CADPS: variants seen among roughly 807,000 people sequenced by gnomAD.
CADPS encodes the protein calcium dependent secretion activator.
A neutral mutation model predicts 167.3 loss-of-function variants in CADPS; 57 were observed. The observed-to-expected ratio is 0.34, with a 90% CI of 0.28 to 0.42. The LOEUF (loss-of-function observed/expected upper bound fraction) is 0.42, where lower values mean the gene tolerates loss of function less well. Among genes scored for constraint, CADPS ranks in the 20% least tolerant of loss-of-function variants. CADPS has a pLI of 1.00. For synonymous variants in CADPS, 676 were observed against 635.3 expected, an observed-to-expected ratio of 1.06 and a Z score of -0.96; for missense variants, 1,414 against 1,738.1, an observed-to-expected ratio of 0.81 and a Z score of 3.32.
chr3:62,567,575 T>A (rs1294080415), intron 9 of CADPS, among the ~76,000 whole-genome samples: 3 of 129,834 alleles, frequency 2.3e-5, no homozygotes, highest in Non-Finnish European at 4.9e-5. Flanking sequence ...TTTTTTTTTT[T>A]TTTTTTTTTT....
chr3:62,751,027 C>G (rs971586586), intron 3 of CADPS, among the ~76,000 whole-genome samples: 1 of 152,138 alleles, frequency 6.6e-6, no homozygotes, highest in African/African-American at 2.4e-5. Context: ...AAAGGTAGAG[C>G]TCCTAGGTCA....
intron 7 of CADPS, among the ~76,000 whole-genome samples, chr3:62,591,125 T>C (rs899115668): frequency 6.6e-6 from 1 of 152,174 alleles, no homozygotes; most frequent in Non-Finnish European, 1.5e-5. Flanking sequence ...CCTAATGTGC[T>C]GGGGTTACAG....
chr3:62,703,815 G>A (rs1163454429), intron 3 of CADPS, among the ~76,000 whole-genome samples: 2 of 152,236 alleles, frequency 1.3e-5, no homozygotes, highest in Non-Finnish European at 2.9e-5. Context: ...TTTGAAAGAA[G>A]AGTAAAGATC....
chr3:62,857,677 T>C (rs1367032565), intron 1 of CADPS, among the ~76,000 whole-genome samples: 2 of 152,060 alleles, frequency 1.3e-5, no homozygotes, highest in Non-Finnish European at 2.9e-5. Context: ...AACCTCTATA[T>C]ATCCATGCAG....
intron 6 of CADPS, among the ~76,000 whole-genome samples, chr3:62,644,801 C>T (rs1201151323): frequency 6.6e-6 from 1 of 152,206 alleles, no homozygotes; most frequent in Non-Finnish European, 1.5e-5. Context: ...TAAGGAAGGC[C>T]TATTCTGCAT....
chr3:62,687,745 T>G (rs2078334783), intron 3 of CADPS, among the ~76,000 whole-genome samples: 1 of 151,218 alleles, frequency 6.6e-6, no homozygotes, highest in African/African-American at 2.4e-5. Flanking sequence ...TTTTTTTTTT[T>G]TTTTTTTGCT....
intron 6 of CADPS, among the ~76,000 whole-genome samples, chr3:62,631,109 TACACACAC>T (rs4019273): frequency 3.3e-5 from 5 of 149,438 alleles, no homozygotes; most frequent in African/African-American, 9.8e-5. Flanking sequence ...ATCTGTATAA[TACACACAC>T]ACACACACAC....
Position 62,587,030 on chromosome 3 carries a change from T to A in CADPS, c.1438-1706A>T, listed in dbSNP as rs547196385. Among the ~76,000 whole-genome samples, 4 of 152,300 alleles carry A rather than the reference T, an allele frequency of 2.6e-5. No individual in the cohort carries two copies. The South Asian group carries it at 6.2e-4, about 24-fold the overall frequency. ...TTGTCTTCTCAATAATTTCGTCATGTCTTGACTGACATCTTGTCCCATCTG... is the reference window on the plus strand; with the variant it reads ...TTGTCTTCTCAATAATTTCGTCATGACTTGACTGACATCTTGTCCCATCTG... On this transcript the variant is annotated intron_variant, in intron 7 of 29. Transcript: ENST00000383710.
intron 28 of CADPS, among the ~76,000 whole-genome samples, chr3:62,414,365 A>C (rs756600815): frequency 6.6e-6 from 1 of 152,182 alleles, no homozygotes; most frequent in Non-Finnish European, 1.5e-5. Context: ...TAAGGTTTGG[A>C]ATGTGTGTTC....
intron 6 of CADPS, among the ~76,000 whole-genome samples, chr3:62,607,093 T>C (rs1190076740): frequency 2.6e-5 from 4 of 152,260 alleles, no homozygotes; most frequent in African/African-American, 7.2e-5. Flanking sequence ...TTCTACTCTA[T>C]GTTCTGTTGG....
intron 3 of CADPS, among the ~76,000 whole-genome samples, chr3:62,707,948 A>G (rs2082632048): frequency 6.6e-6 from 1 of 151,910 alleles, no homozygotes; most frequent in Non-Finnish European, 1.5e-5. Flanking sequence ...GTTTGGAGAC[A>G]GAGTCTCTAC....
intron 3 of CADPS, among the ~76,000 whole-genome samples, chr3:62,714,480 G>A (rs922553456): frequency 2.0e-5 from 3 of 152,106 alleles, no homozygotes; most frequent in South Asian, 4.2e-4. Context: ...ATTACCACAC[G>A]GCTGTGATTC....
chr3:62,668,814 G>T (rs2074976401), intron 3 of CADPS, among the ~76,000 whole-genome samples: 1 of 152,146 alleles, frequency 6.6e-6, no homozygotes, highest in Non-Finnish European at 1.5e-5. Flanking sequence ...ATGCCTGGCA[G>T]ATGAATAAAA....
chr3:62,505,617 C>T (rs1378228884), intron 17 of CADPS, among the ~76,000 whole-genome samples: 1 of 152,182 alleles, frequency 6.6e-6, no homozygotes, highest in Admixed American at 6.5e-5. Context: ...GTTAAGCACA[C>T]ATCTGAACTT....
intron 6 of CADPS, among the ~76,000 whole-genome samples, chr3:62,610,019 G>T (rs1367854009): frequency 1.3e-5 from 2 of 151,946 alleles, no homozygotes; most frequent in Non-Finnish European, 2.9e-5. Context: ...AGCCCAGGGG[G>T]TCGAGGCTGT....
At chr3:62,721,134 TAAAA>T (rs71631127) in intron 3 of CADPS, among the ~76,000 whole-genome samples, 1,327 of 115,986 alleles carry the variant, frequency 0.011, 28 homozygotes, top group African/African-American at 0.042. Flanking sequence ...TTTTTTTTTT[TAAAA>T]AAAAAAAGAA....
chr3:62,485,435 G>T (rs1158234618), intron 21 of CADPS, among the ~76,000 whole-genome samples: 1 of 152,024 alleles, frequency 6.6e-6, no homozygotes, highest in Non-Finnish European at 1.5e-5. Flanking sequence ...CGTTTTTCAT[G>T]ACCCCTTAGT....
chr3:62,667,858 T>C (rs2074759795), intron 3 of CADPS, among the ~76,000 whole-genome samples: 1 of 151,866 alleles, frequency 6.6e-6, no homozygotes, highest in Non-Finnish European at 1.5e-5. Context: ...ATCAGCAAAA[T>C]GATTCACACC....
intron 9 of CADPS, among the ~76,000 whole-genome samples, chr3:62,569,702 A>G (rs1421490949): frequency 6.6e-6 from 1 of 152,244 alleles, no homozygotes. Flanking sequence ...CACTCTAAAT[A>G]TTAATCCTAG....
Sources: gnomAD v4.1 joint callset for allele counts (sites outside exome capture counted in the v4.1 genomes callset) on GRCh38, gnomAD v4.1.1 for gene constraint, MANE v1.5 for transcripts, NCBI Gene and HGNC (gene_info 2026-07-23, HGNC 2026-07-21) for gene names.